ANKRD30A: variants seen among roughly 807,000 people sequenced by gnomAD.
ANKRD30A encodes ankyrin repeat domain 30A, also known as ankyrin repeat domain-containing protein 30A.
Under a neutral mutation model 166.3 loss-of-function variants are expected in ANKRD30A, and 170 were observed. The observed-to-expected ratio is 1.02, with a 90% CI of 0.90 to 1.16. The LOEUF is 1.16. Ranked by LOEUF, ANKRD30A falls within the 50% of genes most tolerant of loss-of-function variation. The pLI is 0.00. For synonymous variants in ANKRD30A, 564 were observed against 508.9 expected, an observed-to-expected ratio of 1.11 and a Z score of -1.46; for missense variants, 1,630 against 1,518.0, an observed-to-expected ratio of 1.07 and a Z score of -1.23.
At chr10:37,254,903 T>A in the ANKRD30A span, among the ~76,000 whole-genome samples, 1 of 152,142 alleles carries the variant, frequency 6.6e-6, no homozygotes, top group South Asian at 2.1e-4. Flanking sequence ...AGAACGGTCT[T>A]AATCTCTTGA....
chr10:37,224,624 G>A (rs1355277095), intron 34 of ANKRD30A, among the ~76,000 whole-genome samples: 2 of 151,192 alleles, frequency 1.3e-5, no homozygotes, highest in African/African-American at 2.4e-5. Flanking sequence ...CCCCCAAGAC[G>A]GCTGCTTTTC....
At chr10:37,192,071 C>T (rs574127597) in intron 25 of ANKRD30A, among the ~76,000 whole-genome samples, 1 of 152,016 alleles carries the variant, frequency 6.6e-6, no homozygotes, top group Admixed American at 6.6e-5. Context: ...GAGTCTCGCT[C>T]TGTCATCCAG....
At chr10:37,221,851 AT>A (rs1842916492) in intron 34 of ANKRD30A, among the ~76,000 whole-genome samples, 1 of 151,294 alleles carries the variant, frequency 6.6e-6, no homozygotes. Context: ...AAATTATCTT[AT>A]TTCTTAGCTC....
In ANKRD30A at chr10:37,158,522, C is replaced by A; in HGVS notation, c.1836C>A (p.Cys612Ter). Residue 612 changes from cysteine (C) to a stop codon, truncating the protein, a stop_gained, in exon 15 of 36, where the codon TGC becomes TGA. Transcript: ENST00000361713. LOFTEE classifies it high-confidence loss of function. Reference protein sequence around the residue: ...PNKDGLLKATCGMKVSIPTKA... With the variant: ...PNKDGLLKAT ...TTTCCAAACCCATTTAGGCTACCTG[C>A]GGAATGAAAGTTTCTATTCCAACTA... 2 of 1,613,362 alleles carry A rather than the reference C, an allele frequency of 1.2e-6. No homozygotes were observed. The highest frequency in any genetic ancestry group is 1.1e-5 in the South Asian group (1 of 90,950).
In ANKRD30A at chr10:37,217,776, CGAA is replaced by C; in HGVS notation, c.3168_3170del (p.Glu1057del). The C allele has an allele frequency of 6.3e-7, 1 of 1,596,562 alleles. No homozygotes were observed. Among genetic ancestry groups the C allele is most frequent in the South Asian group, 1.1e-5 (1 of 88,950 alleles). On this transcript the variant is annotated inframe_deletion, in exon 33 of 36. Transcript: ENST00000361713. ...AAATTAGGGAAGAATTAGGAAGAAT[CGAA>C]GAGCAGCATAGGAAAGAGTTAGAAG...
chr10:37,150,302 T>C (rs559189419), intron 11 of ANKRD30A, among the ~76,000 whole-genome samples: 10 of 152,076 alleles, frequency 6.6e-5, no homozygotes, highest in South Asian at 4.1e-4. Flanking sequence ...GTAACTCGGA[T>C]TAGTGAACTC....
At chr10:37,143,915 C>CT (rs34646779) in intron 7 of ANKRD30A, among the ~76,000 whole-genome samples, 13,475 of 132,102 alleles carry the variant, frequency 0.1, 775 homozygotes, top group Middle Eastern at 0.18. Flanking sequence ...ATGCTATAGT[C>CT]TTTTTTTTTT....
chr10:37,247,875 CCA>C, the ANKRD30A span, among the ~76,000 whole-genome samples: 1 of 145,426 alleles, frequency 6.9e-6, no homozygotes, highest in East Asian at 2.0e-4. Context: ...GAGTGAGACT[CCA>C]TCTCAAAAAA....
intron 8 of ANKRD30A, among the ~76,000 whole-genome samples, chr10:37,146,515 G>T (rs1837527519): frequency 6.6e-6 from 1 of 152,138 alleles, no homozygotes; most frequent in Admixed American, 6.5e-5. Context: ...CCCTGACCCG[G>T]GGACAGATGA....
intron 27 of ANKRD30A, among the ~76,000 whole-genome samples, chr10:37,196,909 G>C (rs184199251): frequency 6.6e-6 from 1 of 152,166 alleles, no homozygotes; most frequent in African/African-American, 2.4e-5. Flanking sequence ...CCTTTCCGAA[G>C]ATAGGCTATG....
intron 34 of ANKRD30A, among the ~76,000 whole-genome samples, chr10:37,230,333 G>A (rs944340899): frequency 6.6e-6 from 1 of 151,964 alleles, no homozygotes; most frequent in African/African-American, 2.4e-5. Context: ...GTGGGAAGTG[G>A]AAGTTAACTA....
chr10:37,205,326 A>C (rs1352055548), intron 31 of ANKRD30A, among the ~76,000 whole-genome samples: 1 of 152,124 alleles, frequency 6.6e-6, no homozygotes, highest in East Asian at 1.9e-4. Context: ...GGAAACCATC[A>C]TTCTGAGCAA....
At chr10:37,134,133 A>T in intron 5 of ANKRD30A, 80 bp downstream of exon 5, 1 of 1,531,338 alleles carries the variant, frequency 6.5e-7, no homozygotes, top group East Asian at 2.3e-5. Flanking sequence ...AGTTCACTTC[A>T]TCAGCCAGAA....
chr10:37,198,330 G>A (rs1264012853), intron 29 of ANKRD30A, among the ~76,000 whole-genome samples: 2 of 151,890 alleles, frequency 1.3e-5, no homozygotes, highest in Non-Finnish European at 2.9e-5. Flanking sequence ...AGAAACATCC[G>A]TATAGGACAC....
At chr10:37,260,294 G>A in the ANKRD30A span, among the ~76,000 whole-genome samples, 1 of 152,132 alleles carries the variant, frequency 6.6e-6, no homozygotes, top group Non-Finnish European at 1.5e-5. Context: ...AGTTTAGCCT[G>A]TCCATTCCTT....
At chr10:37,183,561 G>T (rs920184594) in intron 24 of ANKRD30A, among the ~76,000 whole-genome samples, 1 of 146,840 alleles carries the variant, frequency 6.8e-6, no homozygotes, top group African/African-American at 2.5e-5. Flanking sequence ...AATGAAAAGA[G>T]TTGGTTACAG....
chr10:37,128,940 T>C (rs975722648), intron 1 of ANKRD30A, among the ~76,000 whole-genome samples: 1 of 152,164 alleles, frequency 6.6e-6, no homozygotes. Flanking sequence ...TTACATGCAT[T>C]CTATAAATCT....
chr10:37,247,609 C>T, the ANKRD30A span, among the ~76,000 whole-genome samples: 75 of 151,666 alleles, frequency 4.9e-4, no homozygotes, highest in Middle Eastern at 6.8e-3. Flanking sequence ...CAGTGGCTCA[C>T]GCCTGTAATC....
chr10:37,130,189 G>A lies in ANKRD30A; in HGVS notation c.337-16G>A, dbSNP rs751652945. Reference sequence around the variant, plus strand: ...AATTATACAGTTTACAATAATTCTTGCTTTAATACTGACAGGCTCTACAAT... The same window carrying A: ...AATTATACAGTTTACAATAATTCTTACTTTAATACTGACAGGCTCTACAAT... On this transcript the variant is annotated splice_polypyrimidine_tract_variant and intron_variant, in intron 2 of 35. Transcript: ENST00000361713. 6.5e-7 allele frequency: 1 copy of A among 1,533,300 alleles called. No individual in the cohort carries two copies. Among genetic ancestry groups the A allele is most frequent in the Non-Finnish European group, 8.8e-7 (1 of 1,141,724 alleles). 95.0% of individuals were successfully genotyped at this position (1,533,300 alleles called of 1,614,324 possible).
Sources: allele counts gnomAD v4.1 joint callset (sites outside exome capture counted in the v4.1 genomes callset), GRCh38; gene constraint gnomAD v4.1.1; transcripts MANE v1.5; gene names NCBI Gene and HGNC (gene_info 2026-07-23, HGNC 2026-07-21).